Variants in NUDT1 observed in about 807,000 individuals in gnomAD.
NUDT1 encodes oxidized purine nucleoside triphosphate hydrolase.
In NUDT1, 16 loss-of-function variants were observed where a neutral mutation model predicts 11.3. The ratio of observed to expected loss-of-function variants is 1.41; its 90% CI spans 0.96 to 2.15. NUDT1 has a LOEUF of 2.15. Among genes scored for constraint, NUDT1 ranks in the 30% most tolerant of loss-of-function variants. NUDT1 has a pLI of 0.00. For synonymous variants in NUDT1, 101 were observed against 84.4 expected, an observed-to-expected ratio of 1.20 and a Z score of -1.08; for missense variants, 234 against 208.4, an observed-to-expected ratio of 1.12 and a Z score of -0.76.
chr7:2,244,570 G>A lies in NUDT1; in HGVS notation c.-5G>A. On this transcript the variant is annotated 5_prime_UTR_variant, in exon 2 of 4. Coordinates refer to ENST00000356714, the MANE Select transcript of NUDT1 (RefSeq NM_002452.4). ...CTCTCACCTTCCTTTCAGAACCCAG[G>A]GACCATGGGCGCCTCCAGGCTCTAT... The A allele has an allele frequency of 2.6e-6, 4 of 1,567,000 alleles. No individual in the cohort carries two copies. Among genetic ancestry groups the A allele is most frequent in the Non-Finnish European group, 3.5e-6 (4 of 1,154,664 alleles).
Position 2,250,916 on chromosome 7 carries a change from A to T in NUDT1, c.386A>T (p.Gln129Leu). The change falls in exon 4 of 4, where the codon CAG becomes CTG. Residue 129 changes from glutamine (Q) to leucine (L), a missense_variant. Transcript: ENST00000356714. ...AGCTACTGGTTTCCACTCCTGCTTCAGAAGAAGAAATTCCACGGGTACTTC... is the reference window on the plus strand; with the variant it reads ...AGCTACTGGTTTCCACTCCTGCTTCTGAAGAAGAAATTCCACGGGTACTTC... The part of the protein sequence containing the change: ...DDSYWFPLLL[Q>L]KKKFHGYFKF... 1 of 1,614,054 alleles carries T rather than the reference A, an allele frequency of 6.2e-7. No homozygotes were observed. Among genetic ancestry groups the T allele is most frequent in the Non-Finnish European group, 8.5e-7 (1 of 1,179,988 alleles).
intron 3 of NUDT1, 50 bp from the exon 4 acceptor site, chr7:2,250,779 C>T (rs371776164): frequency 2.5e-4 from 395 of 1,610,436 alleles, no homozygotes; most frequent in Middle Eastern, 3.3e-4. Context: ...GTTTTTTAAG[C>T]ATGAAGTTTG....
intron 2 of NUDT1, among the ~76,000 whole-genome samples, chr7:2,247,700 T>C (rs1022814616): frequency 5.3e-5 from 8 of 152,266 alleles, no homozygotes; most frequent in African/African-American, 1.9e-4. Context: ...AACAGCGTCA[T>C]CTTCGCCTGC....
chr7:2,250,782 G>T, intron 3 of NUDT1, 47 bp from the exon 4 acceptor site: 1 of 1,612,036 alleles, frequency 6.2e-7, no homozygotes, highest in Non-Finnish European at 8.5e-7. Context: ...TTTTAAGCAT[G>T]AAGTTTGGGT....
At chr7:2,247,405 G>A (rs930231305) in intron 2 of NUDT1, among the ~76,000 whole-genome samples, 5 of 152,196 alleles carry the variant, frequency 3.3e-5, no homozygotes, top group Non-Finnish European at 7.4e-5. Context: ...CAGGGGACAG[G>A]CACGTAGGGA....
At position 2,244,662 on chromosome 7, in the gene NUDT1, G is replaced by A. The variant is rs199969160; in HGVS notation, c.88G>A (p.Gly30Ser). The change falls in exon 2 of 4, where the codon GGC (glycine) becomes AGC (serine). Residue 30 changes from glycine (G) to serine (S), a missense_variant. By Grantham distance (56) the Gly-to-Ser change is moderately conservative (BLOSUM62 0). Coordinates refer to ENST00000356714, the MANE Select transcript of NUDT1 (RefSeq NM_002452.4). ...CATGAAAAAGCGAGGCTTCGGGGCC[G>A]GCCGGTGGAATGGCTTTGGGGGCAA... ...LGMKKRGFGA[G>S]RWNGFGGKVQ... The A allele has an allele frequency of 1.3e-4, 203 of 1,613,708 alleles. No homozygotes were observed. The highest frequency in any genetic ancestry group is 1.9e-4 in the African/African-American group (14 of 74,910).
chr7:2,244,458 CCG>C, intron 1 of NUDT1, 103 bp from the exon 2 acceptor site: 2 of 968,374 alleles, frequency 2.1e-6, no homozygotes, highest in Non-Finnish European at 3.0e-6. Flanking sequence ...GCATACCCCC[CCG>C]CCCCCCACTG....
At chr7:2,243,222 T>G (rs1281728775) in intron 1 of NUDT1, among the ~76,000 whole-genome samples, 1 of 152,118 alleles carries the variant, frequency 6.6e-6, no homozygotes, top group East Asian at 1.9e-4. Flanking sequence ...CCACTGGGGT[T>G]TTTTTATAGG....
intron 2 of NUDT1, among the ~76,000 whole-genome samples, chr7:2,247,359 G>T (rs2115059827): frequency 6.6e-6 from 1 of 152,362 alleles, no homozygotes; most frequent in East Asian, 1.9e-4. Context: ...CCTAACCCCA[G>T]TCCAGAGGGC....
chr7:2,244,628 TCTC>T lies in NUDT1; in HGVS notation c.57_59del (p.Leu20del), dbSNP rs750071543. ...TGCTGGTCCTGCAGCCTCAGCGAGTTCTCCTGGGCATGAAAAAGCGAGGCTTCG... is the reference window on the plus strand; with the variant it reads ...TGCTGGTCCTGCAGCCTCAGCGAGTTCTGGGCATGAAAAAGCGAGGCTTCG... On this transcript the variant is annotated inframe_deletion, in exon 2 of 4. Transcript: ENST00000356714. 3 of 1,613,730 alleles carry T rather than the reference TCTC, an allele frequency of 1.9e-6. No homozygotes were observed. The highest frequency in any genetic ancestry group is 1.7e-5 in the Admixed American group (1 of 59,982).
chr7:2,249,809 G>A (rs1252176053), intron 2 of NUDT1, 48 bp from the exon 3 acceptor site: 1 of 1,605,972 alleles, frequency 6.2e-7, no homozygotes, highest in African/African-American at 1.3e-5. Flanking sequence ...GTGTGGGCAT[G>A]GCACCATGCC....
chr7:2,244,405 C>A, intron 1 of NUDT1, 158 bp from the exon 2 acceptor site: 1 of 683,712 alleles, frequency 1.5e-6, no homozygotes. Context: ...AGTTTTCCAC[C>A]TGCCACAAGG....
rs201724881 is a variant in NUDT1, at chr7:2,249,875, C to T, written c.171C>T (p.Ser57=). 2.6e-5 allele frequency: 42 copies of T among 1,613,742 alleles called. No homozygotes were observed. Among genetic ancestry groups the T allele is most frequent in the South Asian group, 9.9e-5 (9 of 91,094 alleles). ...DGARRELQEE[S]GLTVDALHKV... ...CCCGCAGGGAGCTGCAGGAGGAGAG[C>T]GGTCTGACAGTGGACGCCCTGCACA... Residue 57 remains serine (S), a synonymous_variant, in exon 3 of 4, where the codon AGC becomes AGT. Coordinates refer to ENST00000356714, the MANE Select transcript of NUDT1 (RefSeq NM_002452.4).
chr7:2,249,776 C>G, intron 2 of NUDT1, 81 bp from the exon 3 acceptor site: 1 of 1,575,646 alleles, frequency 6.3e-7, no homozygotes, highest in East Asian at 2.3e-5. Flanking sequence ...TGTGTAGATG[C>G]CCAGCTCCTC....
At chr7:2,245,966 C>T (rs1794751461) in intron 2 of NUDT1, among the ~76,000 whole-genome samples, 1 of 152,148 alleles carries the variant, frequency 6.6e-6, no homozygotes, top group Non-Finnish European at 1.5e-5. Flanking sequence ...GCCACACGGA[C>T]ACGTTCGATC....
intron 2 of NUDT1, among the ~76,000 whole-genome samples, chr7:2,246,014 C>T (rs1002158242): frequency 2.0e-5 from 3 of 152,178 alleles, no homozygotes; most frequent in African/African-American, 7.2e-5. Flanking sequence ...AGGCTCTGTG[C>T]TGGGGGCCGC....
intron 2 of NUDT1, among the ~76,000 whole-genome samples, chr7:2,248,462 G>T (rs545801844): frequency 5.3e-5 from 8 of 152,166 alleles, no homozygotes; most frequent in African/African-American, 1.9e-4. Flanking sequence ...TTGAGAAGGC[G>T]GCTGGGTTCC....
intron 2 of NUDT1, 66 bp from the exon 3 acceptor site, chr7:2,249,791 C>G (rs1794904467): frequency 6.3e-6 from 10 of 1,594,696 alleles, no homozygotes; most frequent in South Asian, 2.2e-5. Context: ...CTCCTCCTCC[C>G]TGCCATCGTG....
At chr7:2,249,648 A>G in intron 2 of NUDT1, 1 of 637,072 alleles carries the variant, frequency 1.6e-6, no homozygotes. Context: ...CTCTCAACCA[A>G]AATCAGTGTC....
Sources: allele counts gnomAD v4.1 joint callset (sites outside exome capture counted in the v4.1 genomes callset), GRCh38; gene constraint gnomAD v4.1.1; transcripts MANE v1.5; gene names NCBI Gene and HGNC (gene_info 2026-07-23, HGNC 2026-07-21).